NHERF1: variants seen among roughly 807,000 people sequenced by gnomAD.
NHERF1 encodes NHERF family PDZ scaffold protein 1.
At chr17:74,748,731 C>T in the NHERF1 span, 643 of 926,672 alleles carry the variant, frequency 6.9e-4, 4 homozygotes, top group African/African-American at 9.5e-3. The surrounding 1 kb of genome is among the most constrained non-coding windows in gnomAD (Gnocchi z 4.3). Flanking sequence ...GCCCGTCCGG[C>T]GGCTCAGGGC....
chr17:74,764,702 G>A, the NHERF1 span, among the ~76,000 whole-genome samples: 3 of 152,212 alleles, frequency 2.0e-5, no homozygotes, highest in Admixed American at 6.5e-5. This position sits in a 1 kb window ranked among gnomAD's most constrained non-coding sequence, Gnocchi z 4.9. Flanking sequence ...GGGCTAGAGG[G>A]GCTGCAGCCT....
chr17:74,762,002 G>C, the NHERF1 span: 1 of 1,613,836 alleles, frequency 6.2e-7, no homozygotes, highest in East Asian at 2.2e-5. This position sits in a 1 kb window ranked among gnomAD's most constrained non-coding sequence, Gnocchi z 4.2. Flanking sequence ...ACCCTCCCCT[G>C]TCCCTGCAGC....
At chr17:74,756,946 G>A in the NHERF1 span, among the ~76,000 whole-genome samples, 2 of 152,182 alleles carry the variant, frequency 1.3e-5, no homozygotes, top group Non-Finnish European at 2.9e-5. Context: ...GACAACCCCT[G>A]GGGGTTAAAT....
chr17:74,748,786 GCCGTCCCGTC>G, the NHERF1 span: 2 of 1,425,456 alleles, frequency 1.4e-6, no homozygotes, highest in Non-Finnish European at 1.9e-6. The surrounding 1 kb of genome is among the most constrained non-coding windows in gnomAD (Gnocchi z 4.3). Context: ...GAAGGGCTGG[GCCGTCCCGTC>G]CCGTCCCCAT....
chr17:74,752,389 C>T, the NHERF1 span, among the ~76,000 whole-genome samples: 8 of 152,246 alleles, frequency 5.3e-5, no homozygotes, highest in Admixed American at 1.3e-4. Context: ...GGTCCGAATT[C>T]CCCTCTAGCC....
chr17:74,766,866 A>G, the NHERF1 span: 6 of 1,492,838 alleles, frequency 4.0e-6, no homozygotes, highest in Non-Finnish European at 5.6e-6. Flanking sequence ...CCCAAACCCA[A>G]CTCCTACCTC....
the NHERF1 span, chr17:74,767,031 G>A: frequency 1.3e-6 from 2 of 1,536,918 alleles, no homozygotes; most frequent in Non-Finnish European, 1.8e-6. Flanking sequence ...GCATGAGACA[G>A]ATCAGAAGGT....
At chr17:74,749,124 C>T in the NHERF1 span, 1 of 1,571,082 alleles carries the variant, frequency 6.4e-7, no homozygotes, top group Admixed American at 1.9e-5. This position sits in a 1 kb window ranked among gnomAD's most constrained non-coding sequence, Gnocchi z 5.6. Context: ...GTGGTCGACC[C>T]CGAGACGGAC....
chr17:74,764,222 G>A, the NHERF1 span, among the ~76,000 whole-genome samples: 1 of 152,230 alleles, frequency 6.6e-6, no homozygotes, highest in Admixed American at 6.5e-5. The surrounding 1 kb of genome is among the most constrained non-coding windows in gnomAD (Gnocchi z 4.9). Context: ...GCCATACTGA[G>A]GGTGGAACCT....
At chr17:74,768,335 C>G in the NHERF1 span, 1 of 1,375,026 alleles carries the variant, frequency 7.3e-7, no homozygotes, top group African/African-American at 1.4e-5. Context: ...AGGTCACATG[C>G]TGAGCCGCAT....
the NHERF1 span, chr17:74,748,975 G>T: frequency 3.7e-6 from 6 of 1,606,978 alleles, no homozygotes; most frequent in Admixed American, 1.7e-5. This position sits in a 1 kb window ranked among gnomAD's most constrained non-coding sequence, Gnocchi z 4.3. Context: ...GGCTGGTGGA[G>T]CCCGGCTCGC....
At chr17:74,763,663 G>T in the NHERF1 span, 1 of 832,058 alleles carries the variant, frequency 1.2e-6, no homozygotes, top group Non-Finnish European at 1.9e-6. Flanking sequence ...TTCATGGGAG[G>T]CCCAGAGGTG....
At chr17:74,761,898 A>C in the NHERF1 span, 1 of 1,134,592 alleles carries the variant, frequency 8.8e-7, no homozygotes, top group Non-Finnish European at 1.3e-6. This position sits in a 1 kb window ranked among gnomAD's most constrained non-coding sequence, Gnocchi z 4.3. Flanking sequence ...GATCTAGGCA[A>C]ATTTGCATCC....
At chr17:74,762,136 A>G in the NHERF1 span, 2 of 1,614,142 alleles carry the variant, frequency 1.2e-6, no homozygotes, top group Non-Finnish European at 1.7e-6. This position sits in a 1 kb window ranked among gnomAD's most constrained non-coding sequence, Gnocchi z 4.2. Context: ...TCCCCGGCTG[A>G]GGCTTCAGGG....
At chr17:74,762,138 GC>G in the NHERF1 span, 1 of 1,614,148 alleles carries the variant, frequency 6.2e-7, no homozygotes, top group Non-Finnish European at 8.5e-7. This position sits in a 1 kb window ranked among gnomAD's most constrained non-coding sequence, Gnocchi z 4.2. Flanking sequence ...CCCGGCTGAG[GC>G]TTCAGGGCTC....
chr17:74,754,550 C>T, the NHERF1 span, among the ~76,000 whole-genome samples: 1 of 151,858 alleles, frequency 6.6e-6, no homozygotes, highest in East Asian at 1.9e-4. Flanking sequence ...TTACAAACAC[C>T]CGCCACCACA....
the NHERF1 span, among the ~76,000 whole-genome samples, chr17:74,753,581 C>T: frequency 3.3e-4 from 51 of 152,276 alleles, no homozygotes; most frequent in African/African-American, 1.2e-3. Context: ...GGAGATGATT[C>T]TCTTGGAGAT....
At chr17:74,748,633 C>G in the NHERF1 span, 1 of 501,510 alleles carries the variant, frequency 2.0e-6, no homozygotes, top group Non-Finnish European at 3.5e-6. This position sits in a 1 kb window ranked among gnomAD's most constrained non-coding sequence, Gnocchi z 4.3. Context: ...CGCTCAGACG[C>G]CGCGCGGGGC....
At chr17:74,755,235 C>T in the NHERF1 span, among the ~76,000 whole-genome samples, 39 of 152,298 alleles carry the variant, frequency 2.6e-4, no homozygotes, top group Middle Eastern at 6.8e-3. Flanking sequence ...CCAGGGCTTC[C>T]AGGTGCTCCT....
Sources: gnomAD v4.1 joint callset for allele counts (sites outside exome capture counted in the v4.1 genomes callset) on GRCh38, gnomAD v4.1.1 for gene constraint, Gnocchi (gnomAD v3.1) non-coding constraint, MANE v1.5 for transcripts, NCBI Gene and HGNC (gene_info 2026-07-23, HGNC 2026-07-21) for gene names.